MDC1: variants seen among roughly 807,000 people sequenced by gnomAD.
The protein encoded by MDC1 is mediator of DNA damage checkpoint 1.
A neutral mutation model predicts 142.5 loss-of-function variants in MDC1; 81 were observed. The observed-to-expected ratio is 0.57, with a 90% CI of 0.47 to 0.68. The LOEUF is 0.68. Ranked by LOEUF, MDC1 falls within the 30% of genes least tolerant of loss-of-function variation. The pLI, the probability that MDC1 is intolerant of heterozygous loss-of-function variation, is 0.00. For synonymous variants in MDC1, 797 were observed against 968.4 expected (o/e 0.82, Z 3.29); for missense variants, 2,119 against 2,547.9 (o/e 0.83, Z 3.62).
intron 14 of MDC1, among the ~76,000 whole-genome samples, chr6:30,702,029 G>A (rs939149458): frequency 1.3e-5 from 2 of 151,960 alleles, no homozygotes; most frequent in African/African-American, 2.4e-5. Flanking sequence ...TTGAGAGGCC[G>A]AGGCGGGCAG....
rs1773727279 is a variant in MDC1 at position 30,705,974 on chromosome 6, A to G, written c.3209T>C (p.Leu1070Pro). Residue 1070 changes from leucine to proline, a missense_variant, in exon 10 of 15, where the codon CTT (leucine) becomes CCT (proline). By Grantham distance (98) the Leu-to-Pro change is moderately conservative (BLOSUM62 -3). Coordinates refer to ENST00000376406, the MANE Select transcript of MDC1 (RefSeq NM_014641.3). ...AACGGTTGGCTTGATAGAAGGTAAA[A>G]GGGGAGAAAGAAGGGGCGGAGGTGC... ...HLAPPPLLSPLLPSIKPTVRK... is the reference protein window; with the variant it reads ...HLAPPPLLSPPLPSIKPTVRK... 6.2e-7 allele frequency: 1 copy of G among 1,612,628 alleles called. No homozygotes were observed. Among genetic ancestry groups the G allele is most frequent in the Admixed American group, 1.7e-5 (1 of 59,868 alleles).
In MDC1 at chr6:30,715,033, C is replaced by G; in HGVS notation, c.136+7G>C. On this transcript the variant is annotated splice_region_variant and intron_variant, in intron 2 of 14. Coordinates refer to ENST00000376406, the MANE Select transcript of MDC1 (RefSeq NM_014641.3). This position sits in a 1 kb window ranked among gnomAD's most constrained non-coding sequence, Gnocchi z 4.1. The stretch of plus-strand genomic sequence containing the variant: ...TATCAATACTTGAACATCCAATACC[C>G]TCTGACCTTTTTCTGGTCCATGGGC... The G allele has an allele frequency of 6.2e-7, 1 of 1,614,092 alleles. No individual in the cohort carries two copies. The highest frequency in any genetic ancestry group is 8.5e-7 in the Non-Finnish European group (1 of 1,180,006).
intron 7 of MDC1, among the ~76,000 whole-genome samples, chr6:30,710,838 T>C (rs1014716816): frequency 6.6e-6 from 1 of 152,210 alleles, no homozygotes; most frequent in Non-Finnish European, 1.5e-5. Context: ...GGATGGGCTA[T>C]TGCCCAGACT....
chr6:30,702,487 G>C, intron 14 of MDC1, 66 bp downstream of exon 14: 1 of 1,259,020 alleles, frequency 7.9e-7, no homozygotes, highest in Non-Finnish European at 1.1e-6. Flanking sequence ...TCCAATCTTT[G>C]CCATTCCAGC....
rs549049195 is a variant in MDC1 at position 30,700,232 on chromosome 6, A to G, written c.*233T>C. On this transcript the variant is annotated 3_prime_UTR_variant, in exon 15 of 15. Coordinates refer to ENST00000376406, the MANE Select transcript of MDC1 (RefSeq NM_014641.3). ...ATCCCCTAAATCTATACAAATAAAA[A>G]ACTATAAATACAAATAAAATAAAAT... 11 of 414,682 alleles carry G rather than the reference A, an allele frequency of 2.7e-5. No individual in the cohort carries two copies. The highest frequency in any genetic ancestry group is 1.0e-4 in the African/African-American group (5 of 49,552). 25.7% of individuals were successfully genotyped at this position (414,682 alleles called of 1,614,324 possible). A position where few individuals can be genotyped will look rare whatever the true frequency, so the allele number is the denominator to read the frequency against.
At position 30,703,023 on chromosome 6, in the gene MDC1, C is replaced by G; in HGVS notation, c.5865+81G>C. ...ATGCCCCTGTCTTCCTGTAACGCCT[C>G]TTCCCTTCCACCACTTTCTAGGGCA... On this transcript the variant is annotated intron_variant, in intron 12 of 14. Coordinates refer to ENST00000376406, the MANE Select transcript of MDC1 (RefSeq NM_014641.3). This position sits in a 1 kb window ranked among gnomAD's most constrained non-coding sequence, Gnocchi z 4.4. 2.5e-6 allele frequency: 4 copies of G among 1,578,318 alleles called. No homozygotes were observed. Among genetic ancestry groups the G allele is most frequent in the Non-Finnish European group, 3.4e-6 (4 of 1,159,636 alleles).
At chr6:30,708,489 T>C (rs1774288974) in intron 7 of MDC1, 132 bp from the exon 8 acceptor site, 1 of 705,564 alleles carries the variant, frequency 1.4e-6, no homozygotes. Flanking sequence ...GAATAATAAA[T>C]CTGAACAGGT....
At chr6:30,702,390 C>T (rs1392571399) in intron 14 of MDC1, among the ~76,000 whole-genome samples, 163 bp downstream of exon 14, 1 of 151,802 alleles carries the variant, frequency 6.6e-6, no homozygotes, top group African/African-American at 2.4e-5. Flanking sequence ...GATCTGTCCC[C>T]TCATTCCTAT....
Position 30,714,161 on chromosome 6 carries a change from C to G in MDC1, c.159G>C (p.Lys53Asn). 1 of 1,609,922 alleles carries G rather than the reference C, an allele frequency of 6.2e-7. No individual in the cohort carries two copies. The highest frequency in any genetic ancestry group is 8.5e-7 in the Non-Finnish European group (1 of 1,179,730). Residue 53 changes from lysine to asparagine, a missense_variant, in exon 3 of 15, where the codon AAG becomes AAC. Transcript: ENST00000376406. ...PEKDFPLHLGKNVVGRMPDCS... is the reference protein window; with the variant it reads ...PEKDFPLHLGNNVVGRMPDCS... ...AGTCAGGCATTCGGCCTACCACATT[C>G]TTCCCGAGGTGTAGTGGGAAATCTA...
At chr6:30,711,816 C>A (rs1486700768) in intron 5 of MDC1, 58 bp downstream of exon 5, 2 of 1,560,094 alleles carry the variant, frequency 1.3e-6, no homozygotes, top group Non-Finnish European at 8.7e-7. Context: ...TCTCCCCAAC[C>A]CCAGCTGTTA....
At chr6:30,714,809 C>T (rs114827532) in intron 2 of MDC1, among the ~76,000 whole-genome samples, 2,904 of 152,196 alleles carry the variant, frequency 0.019, 40 homozygotes, top group South Asian at 0.063. Flanking sequence ...AGTCACTGCA[C>T]CCAGCTTCAT....
Position 30,712,605 on chromosome 6 carries a change from TGGC to T in MDC1, c.1334_1336del (p.Ser445_Gln446delinsLys). Reference sequence around the variant, plus strand: ...GTCACTGTCTCTCTCAGTGGTGGTTTGGCTTCGCTGCAGAAGGACCACACGTTG... The same window carrying T: ...GTCACTGTCTCTCTCAGTGGTGGTTTTTCGCTGCAGAAGGACCACACGTTG... On this transcript the variant is annotated inframe_deletion, in exon 5 of 15. Transcript: ENST00000376406. This position sits in a 1 kb window ranked among gnomAD's most constrained non-coding sequence, Gnocchi z 4.7. The T allele has an allele frequency of 6.2e-7, 1 of 1,612,956 alleles. No homozygotes were observed. Among genetic ancestry groups the T allele is most frequent in the Non-Finnish European group, 8.5e-7 (1 of 1,179,960 alleles).
At position 30,716,277 on chromosome 6, in the gene MDC1, G is replaced by A. The variant is rs953700706; in HGVS notation, c.-4+968C>T. Reference sequence around the variant, plus strand: ...CTCGCTCTGTCGTCCAGGCTGGACTGCAGTGGTGCTATCTTGGCTCACTGC... The same window carrying A: ...CTCGCTCTGTCGTCCAGGCTGGACTACAGTGGTGCTATCTTGGCTCACTGC... On this transcript the variant is annotated intron_variant, in intron 1 of 14. Coordinates refer to ENST00000376406, the MANE Select transcript of MDC1 (RefSeq NM_014641.3). This position sits in a 1 kb window ranked among gnomAD's most constrained non-coding sequence, Gnocchi z 4.4. Among the ~76,000 whole-genome samples, 5 of 150,190 alleles carry A rather than the reference G, an allele frequency of 3.3e-5. No individual in the cohort carries two copies. The highest frequency in any genetic ancestry group is 1.2e-4 in the African/African-American group (5 of 40,644).
rs1407568340 is a variant in MDC1 at position 30,712,576 on chromosome 6, CTG to C, written c.1364_1365del (p.Thr455ArgfsTer12). 2 of 1,613,092 alleles carry C rather than the reference CTG, an allele frequency of 1.2e-6. No homozygotes were observed. The highest frequency in any genetic ancestry group is 1.7e-6 in the Non-Finnish European group (2 of 1,180,038). ...SQTTTERDSDTDVEEEELPVE... is the reference protein window; with the variant it reads ...SQTTTERDSDXDVEEEELPVE... The stretch of plus-strand genomic sequence containing the variant: ...ACTGGGAGCTCTTCCTCCTCCACGT[CTG>C]TGTCACTGTCTCTCTCAGTGGTGGT... On this transcript the variant is annotated frameshift_variant, in exon 5 of 15. Coordinates refer to ENST00000376406, the MANE Select transcript of MDC1 (RefSeq NM_014641.3). LOFTEE classifies it high-confidence loss of function. This position sits in a 1 kb window ranked among gnomAD's most constrained non-coding sequence, Gnocchi z 4.7.
In MDC1 at chr6:30,715,012, A is replaced by C; in HGVS notation, c.136+28T>G. 1.9e-6 allele frequency: 3 copies of C among 1,612,386 alleles called. 1 individual carries two copies. ...ACCACAAAAATAAAAGATCTATATC[A>C]ATACTTGAACATCCAATACCCTCTG... On this transcript the variant is annotated intron_variant, in intron 2 of 14. Transcript: ENST00000376406. This position sits in a 1 kb window ranked among gnomAD's most constrained non-coding sequence, Gnocchi z 4.1.
In MDC1 at chr6:30,704,875, C is replaced by A. The variant is rs749986214; in HGVS notation, c.4308G>T (p.Arg1436Ser). Residue 1436 changes from arginine to serine, a missense_variant, in exon 10 of 15, where the codon AGG (arginine) becomes AGT (serine). Physicochemically the swap from Arg to Ser is moderately radical, Grantham distance 110. Coordinates refer to ENST00000376406, the MANE Select transcript of MDC1 (RefSeq NM_014641.3). ...PEPTSQATRG[R>S]TNRSSVKTPE... ...GGGTCTTCACAGAGGACCTATTTGT[C>A]CTGCCCCTGGTGGCCTGAGATGTGG... 1 of 1,593,874 alleles carries A rather than the reference C, an allele frequency of 6.3e-7. No individual in the cohort carries two copies. Among genetic ancestry groups the A allele is most frequent in the South Asian group, 1.1e-5 (1 of 89,480 alleles).
chr6:30,714,203 A>G lies in MDC1; in HGVS notation c.137-20T>C, dbSNP rs6924270. 63,483 of 1,591,292 alleles carry G rather than the reference A, an allele frequency of 0.04. 2,382 individuals carry two copies. Among genetic ancestry groups the G allele is most frequent in the African/African-American group, 0.15 (10,996 of 74,644 alleles). ...GGAAATCTAAGAATTAGAGAGGTAG[A>G]TAAGCTCCAAGATCAGAGTCCTGGC... On this transcript the variant is annotated intron_variant, in intron 2 of 14. Transcript: ENST00000376406.
chr6:30,703,296 G>A lies in MDC1; in HGVS notation c.5683-10C>T, dbSNP rs777128209. 3.1e-6 allele frequency: 5 copies of A among 1,609,936 alleles called. No individual in the cohort carries two copies. Among genetic ancestry groups the A allele is most frequent in the Non-Finnish European group, 4.2e-6 (5 of 1,177,536 alleles). On this transcript the variant is annotated splice_polypyrimidine_tract_variant and intron_variant, in intron 11 of 14. Transcript: ENST00000376406. The surrounding 1 kb of genome is among the most constrained non-coding windows in gnomAD (Gnocchi z 4.4). ...CTCCTGTGAAGAGCACCTGTGGAAG[G>A]GTTGACCTGAGGTGGTTACGGCAAC...
intron 14 of MDC1, among the ~76,000 whole-genome samples, chr6:30,702,097 C>T (rs1772807529): frequency 6.6e-6 from 1 of 151,372 alleles, no homozygotes; most frequent in Non-Finnish European, 1.5e-5. Flanking sequence ...CCCATCTCTA[C>T]TAAAAATACA....
Sources: allele counts gnomAD v4.1 joint callset (sites outside exome capture counted in the v4.1 genomes callset), GRCh38; gene constraint gnomAD v4.1.1; non-coding constraint Gnocchi (gnomAD v3.1); transcripts MANE v1.5; gene names NCBI Gene and HGNC (gene_info 2026-07-23, HGNC 2026-07-21).